C12orf56: variants seen among roughly 807,000 people sequenced by gnomAD.
C12orf56 encodes the protein uncharacterized protein C12orf56.
Under a neutral mutation model 69.9 loss-of-function variants are expected in C12orf56, and 71 were observed. That is an observed-to-expected ratio of 1.02 (90% CI 0.84 to 1.24). C12orf56 has a LOEUF of 1.24. Among genes scored for constraint, C12orf56 ranks in the 50% most tolerant of loss-of-function variants. C12orf56 has a pLI of 0.00. For missense variants in C12orf56, 732 were observed against 738.5 expected, an observed-to-expected ratio of 0.99 and a Z score of 0.10; for synonymous variants, 276 against 274.1, an observed-to-expected ratio of 1.01 and a Z score of -0.07.
intron 5 of C12orf56, among the ~76,000 whole-genome samples, chr12:64,308,545 A>G (rs956198486): frequency 2.0e-5 from 3 of 151,938 alleles, no homozygotes; most frequent in African/African-American, 7.3e-5. Context: ...AAAATTTTAT[A>G]AGAAATCCCA....
At chr12:64,370,978 C>A (rs1018635290) in intron 1 of C12orf56, among the ~76,000 whole-genome samples, 1 of 151,992 alleles carries the variant, frequency 6.6e-6, no homozygotes, top group African/African-American at 2.4e-5. Context: ...CCACATTGGG[C>A]CATAGAGTGA....
At position 64,390,752 on chromosome 12, in the gene C12orf56, C is replaced by G; in HGVS notation, c.-187G>C. 1 of 698,302 alleles carries G rather than the reference C, an allele frequency of 1.4e-6. No homozygotes were observed. The highest frequency in any genetic ancestry group is 1.9e-5 in the African/African-American group (1 of 52,444). The allele number at this position is 698,302 out of a possible 1,614,324, so 43.3% of individuals were successfully genotyped here. On this transcript the variant is annotated 5_prime_UTR_variant, in exon 1 of 13. Coordinates refer to ENST00000543942, the MANE Select transcript of C12orf56 (RefSeq NM_001170633.2). The stretch of plus-strand genomic sequence containing the variant: ...GTCGGCTTCCCTGGAGCGCCCTCCC[C>G]AGCCCTGTCCAGCCTCTCGATCTTT...
At chr12:64,314,229 A>G (rs1409179157) in intron 4 of C12orf56, among the ~76,000 whole-genome samples, 1 of 151,704 alleles carries the variant, frequency 6.6e-6, no homozygotes, top group Non-Finnish European at 1.5e-5. Flanking sequence ...AGGACTACAG[A>G]CATGTTCTAC....
chr12:64,390,714 G>C lies in C12orf56; in HGVS notation c.-149C>G, dbSNP rs555932899. ...GCGGGGACCCGGGCCGCAACTGCAG[G>C]AATCGACGCTAGGTCGGCTTCCCTG... is the stretch of plus-strand genomic sequence containing the variant. On this transcript the variant is annotated 5_prime_UTR_variant, in exon 1 of 13. Coordinates refer to ENST00000543942, the MANE Select transcript of C12orf56 (RefSeq NM_001170633.2). 709 of 1,165,828 alleles carry C rather than the reference G, an allele frequency of 6.1e-4. 5 individuals carry two copies. The African/African-American group carries it at 0.011, about 18-fold the overall frequency. The allele number at this position is 1,165,828 out of a possible 1,614,324, so 72.2% of individuals were successfully genotyped here. A position where few individuals can be genotyped will look rare whatever the true frequency, so the allele number is the denominator to read the frequency against.
Position 64,266,568 on chromosome 12 carries a change from G to T in C12orf56, c.*615C>A, listed in dbSNP as rs1412269683. On this transcript the variant is annotated 3_prime_UTR_variant, in exon 13 of 13. Coordinates refer to ENST00000543942, the MANE Select transcript of C12orf56 (RefSeq NM_001170633.2). ...GTGGATGCGCCAGGCCCTGCTGGTG[G>T]TGGACATAGTGGACTCCAAGAACCT... is the stretch of plus-strand genomic sequence containing the variant. The T allele has an allele frequency of 9.1e-6, 3 of 328,430 alleles. No individual in the cohort carries two copies. The highest frequency in any genetic ancestry group is 1.8e-5 in the Non-Finnish European group (3 of 167,022). 20.3% of individuals were successfully genotyped at this position (328,430 alleles called of 1,614,324 possible).
intron 8 of C12orf56, among the ~76,000 whole-genome samples, chr12:64,279,974 A>G (rs2038101346): frequency 6.6e-6 from 1 of 152,212 alleles, no homozygotes; most frequent in African/African-American, 2.4e-5. Context: ...AAGCAAAGAA[A>G]AAGAACTCTC....
intron 1 of C12orf56, among the ~76,000 whole-genome samples, chr12:64,372,206 G>C (rs1271525948): frequency 1.3e-5 from 2 of 152,116 alleles, no homozygotes; most frequent in Non-Finnish European, 2.9e-5. Context: ...CTGAGGCATG[G>C]AGGAAGTTAA....
chr12:64,289,682 G>A (rs1312648832), intron 6 of C12orf56, among the ~76,000 whole-genome samples: 2 of 40,686 alleles, frequency 4.9e-5, no homozygotes, highest in Non-Finnish European at 1.4e-4. Flanking sequence ...AACCAGCCTT[G>A]CATCCCAGGG....
intron 1 of C12orf56, among the ~76,000 whole-genome samples, chr12:64,379,927 C>CAAAAAAAAA (rs200293677): frequency 2.9e-3 from 333 of 113,312 alleles, no homozygotes; most frequent in East Asian, 8.9e-3. Flanking sequence ...ACTAAAAATA[C>CAAAAAAAAA]AAAAAAAAAA....
intron 9 of C12orf56, among the ~76,000 whole-genome samples, 163 bp from the exon 10 acceptor site, chr12:64,275,535 CTG>C (rs2038040366): frequency 6.6e-6 from 1 of 152,168 alleles, no homozygotes; most frequent in Non-Finnish European, 1.5e-5. Context: ...GGTCATGGGT[CTG>C]TGCAGCCTCA....
At chr12:64,316,084 CTTAT>C (rs1470237077) in intron 4 of C12orf56, among the ~76,000 whole-genome samples, 1 of 151,714 alleles carries the variant, frequency 6.6e-6, no homozygotes, top group Non-Finnish European at 1.5e-5. Flanking sequence ...ATTTTTAAAA[CTTAT>C]TTATTTTTTT....
intron 1 of C12orf56, among the ~76,000 whole-genome samples, chr12:64,358,482 A>AATAATAATAATCATCATCATC (rs11275269): frequency 0.015 from 1,916 of 125,822 alleles, 29 homozygotes; most frequent in East Asian, 0.036. Context: ...TAATAATAAT[A>AATAATAATAATCATCATCATC]ATCATCATCA....
intron 3 of C12orf56, among the ~76,000 whole-genome samples, chr12:64,327,014 G>A (rs2038854169): frequency 6.6e-6 from 1 of 152,158 alleles, no homozygotes; most frequent in Non-Finnish European, 1.5e-5. Context: ...CATGGGAATG[G>A]AACTGGCTTT....
chr12:64,330,580 T>C (rs2038916740), intron 3 of C12orf56, among the ~76,000 whole-genome samples: 1 of 152,350 alleles, frequency 6.6e-6, no homozygotes, highest in Non-Finnish European at 1.5e-5. Context: ...GCAAATGCTG[T>C]ATATCTTAGT....
At chr12:64,382,931 T>G (rs1373792894) in intron 1 of C12orf56, among the ~76,000 whole-genome samples, 1 of 151,538 alleles carries the variant, frequency 6.6e-6, no homozygotes, top group Non-Finnish European at 1.5e-5. Context: ...ACCAACTCCA[T>G]CTGGCTTCTA....
intron 4 of C12orf56, among the ~76,000 whole-genome samples, chr12:64,317,513 C>G (rs1424659413): frequency 6.6e-6 from 1 of 152,048 alleles, no homozygotes; most frequent in Non-Finnish European, 1.5e-5. Flanking sequence ...GTAATCCCAG[C>G]CTTTGGGAGG....
intron 1 of C12orf56, chr12:64,389,348 G>GACGTCGACGCCC (rs2039836698): frequency 6.6e-6 from 1 of 152,440 alleles, no homozygotes; most frequent in South Asian, 2.1e-4. Flanking sequence ...TTCAAGCCCA[G>GACGTCGACGCCC]CTCCTAGCGT....
intron 1 of C12orf56, among the ~76,000 whole-genome samples, chr12:64,358,053 T>C (rs1260993168): frequency 6.6e-6 from 1 of 152,194 alleles, no homozygotes; most frequent in African/African-American, 2.4e-5. Context: ...AAAGGAGGGA[T>C]GATGACAGGT....
intron 9 of C12orf56, among the ~76,000 whole-genome samples, chr12:64,275,943 A>C (rs1360472438): frequency 6.6e-6 from 1 of 151,642 alleles, no homozygotes; most frequent in African/African-American, 2.4e-5. Flanking sequence ...TGCATATTTG[A>C]TTTGCAAAAT....
Sources: gnomAD v4.1 joint callset for allele counts (sites outside exome capture counted in the v4.1 genomes callset) on GRCh38, gnomAD v4.1.1 for gene constraint, MANE v1.5 for transcripts, NCBI Gene and HGNC (gene_info 2026-07-23, HGNC 2026-07-21) for gene names.